The following ATF7 variants were observed in gnomAD, a reference collection of about 807,000 sequenced individuals.
The protein encoded by ATF7 is cyclic AMP-dependent transcription factor ATF-7.
ATF7 carries 10 observed loss-of-function variants against 50.4 expected under a neutral mutation model. The ratio of observed to expected loss-of-function variants is 0.20; its 90% CI spans 0.12 to 0.34. ATF7 has a LOEUF of 0.34. Ranked by LOEUF, ATF7 falls within the 10% of genes least tolerant of loss-of-function variation. The pLI is 1.00. For missense variants in ATF7, 465 were observed against 613.9 expected (o/e 0.76, Z 2.56); for synonymous variants, 201 against 226.4 (o/e 0.89, Z 1.01).
At chr12:53,530,997 T>C (rs1273049268) in intron 9 of ATF7, among the ~76,000 whole-genome samples, 1 of 152,196 alleles carries the variant, frequency 6.6e-6, no homozygotes, top group Non-Finnish European at 1.5e-5. Context: ...AGGTAAGTTA[T>C]TACTTTTATT....
intron 2 of ATF7, among the ~76,000 whole-genome samples, chr12:53,597,081 A>G (rs1943188790): frequency 6.6e-6 from 1 of 152,200 alleles, no homozygotes; most frequent in South Asian, 2.1e-4. Flanking sequence ...ATGAGGCCTC[A>G]AGAGAAACAA....
chr12:53,612,116 C>T lies in ATF7; in HGVS notation c.-21-11095G>A, dbSNP rs146377514. 5.2e-4 allele frequency among the ~76,000 whole-genome samples: 79 copies of T among 150,764 alleles called. No individual in the cohort carries two copies. The East Asian group carries it at 0.013, about 24-fold the overall frequency. On this transcript the variant is annotated intron_variant, in intron 1 of 11. Transcript: ENST00000420353. ...TCAGCCTCCCGAGCACCTGGGGCTA[C>T]GGGCTCGCACCACCACACACAGCTA...
chr12:53,566,870 C>G (rs1025876340), intron 2 of ATF7, among the ~76,000 whole-genome samples: 6 of 152,298 alleles, frequency 3.9e-5, no homozygotes, highest in Admixed American at 3.9e-4. Context: ...TCTCCTGCCT[C>G]AGCCTCCTGA....
intron 2 of ATF7, among the ~76,000 whole-genome samples, chr12:53,583,897 GA>G (rs1158231996): frequency 1.3e-5 from 2 of 152,230 alleles, no homozygotes; most frequent in African/African-American, 4.8e-5. Context: ...ACTTTAGTCA[GA>G]CACTTCACCA....
At chr12:53,562,635 C>CA (rs34627729) in intron 2 of ATF7, among the ~76,000 whole-genome samples, 5,843 of 144,340 alleles carry the variant, frequency 0.04, 299 homozygotes, top group African/African-American at 0.12. Flanking sequence ...AACTTCATCT[C>CA]AAAAAAAAAA....
intron 1 of ATF7, among the ~76,000 whole-genome samples, chr12:53,619,223 G>A (rs1338269362): frequency 6.6e-6 from 1 of 151,958 alleles, no homozygotes; most frequent in Non-Finnish European, 1.5e-5. Flanking sequence ...AGGGCAGGTG[G>A]CTCACACTGT....
chr12:53,584,827 G>A (rs1332656871), intron 2 of ATF7, among the ~76,000 whole-genome samples: 1 of 152,198 alleles, frequency 6.6e-6, no homozygotes, highest in Non-Finnish European at 1.5e-5. Context: ...ACAACATTCT[G>A]TAGACGGCAA....
intron 1 of ATF7, among the ~76,000 whole-genome samples, chr12:53,606,770 G>A (rs1943626954): frequency 7.6e-6 from 1 of 131,780 alleles, no homozygotes; most frequent in Admixed American, 9.4e-5. Context: ...GTGTCCATGT[G>A]TTCTCATTGT....
intron 4 of ATF7, chr12:53,542,760 T>C (rs1939653107): frequency 3.9e-6 from 1 of 258,144 alleles, no homozygotes. Flanking sequence ...ACATAGTTTA[T>C]AGTTCTTTCA....
chr12:53,509,503 C>CTT (rs1337552672), downstream of ATF7, among the ~76,000 whole-genome samples: 32 of 135,058 alleles, frequency 2.4e-4, no homozygotes, highest in Middle Eastern at 3.8e-3. Flanking sequence ...TACACTCCAG[C>CTT]TTTTTTTTTT....
chr12:53,555,186 G>T (rs1940646931), intron 2 of ATF7, among the ~76,000 whole-genome samples: 1 of 151,956 alleles, frequency 6.6e-6, no homozygotes. Context: ...GGGCATGGTG[G>T]CACATGCCTA....
At chr12:53,571,673 C>T (rs1030472746) in intron 2 of ATF7, among the ~76,000 whole-genome samples, 4 of 150,970 alleles carry the variant, frequency 2.6e-5, no homozygotes, top group East Asian at 1.9e-4. Flanking sequence ...GAGACAAATC[C>T]GCACTGAAAT....
intron 2 of ATF7, among the ~76,000 whole-genome samples, chr12:53,557,710 C>T (rs1489941304): frequency 6.6e-6 from 1 of 152,140 alleles, no homozygotes; most frequent in Non-Finnish European, 1.5e-5. Flanking sequence ...ATTTGCACCC[C>T]CATCTGAAGA....
chr12:53,619,904 G>C (rs192276204), intron 1 of ATF7, among the ~76,000 whole-genome samples: 165 of 152,264 alleles, frequency 1.1e-3, no homozygotes, highest in Admixed American at 2.9e-3. Context: ...TCAGCACTTT[G>C]GGAGGCTAAG....
chr12:53,552,450 A>G lies in ATF7; in HGVS notation c.145+91T>C, dbSNP rs571079996. On this transcript the variant is annotated intron_variant, in intron 3 of 11. Coordinates refer to ENST00000420353, the MANE Select transcript of ATF7 (RefSeq NM_006856.3). Reference sequence around the variant, plus strand: ...CACATAAGGGCTCTTAATGGGAGAAAGGGAGTACAGCTCCCAGTACATCTG... The same window carrying G: ...CACATAAGGGCTCTTAATGGGAGAAGGGGAGTACAGCTCCCAGTACATCTG... 2.2e-4 allele frequency: 220 copies of G among 989,216 alleles called. 1 individual carries two copies. The African/African-American group carries it at 2.7e-3, about 12-fold the overall frequency. 61.3% of individuals were successfully genotyped at this position (989,216 alleles called of 1,614,324 possible). A position where few individuals can be genotyped will look rare whatever the true frequency, so the allele number is the denominator to read the frequency against.
chr12:53,574,941 T>C (rs1369230230), intron 2 of ATF7: 4 of 260,464 alleles, frequency 1.5e-5, no homozygotes, highest in Non-Finnish European at 2.2e-5. Flanking sequence ...TTTCTTGCCA[T>C]TGAGCTTAAG....
At chr12:53,523,949 A>AT (rs1938279087) in intron 10 of ATF7, among the ~76,000 whole-genome samples, 1 of 152,220 alleles carries the variant, frequency 6.6e-6, no homozygotes, top group Non-Finnish European at 1.5e-5. Flanking sequence ...AATAAAAAAT[A>AT]TTTAGGAATA....
chr12:53,534,396 A>G lies in ATF7; in HGVS notation c.560+106T>C, dbSNP rs1198885339. On this transcript the variant is annotated intron_variant, in intron 6 of 11. Transcript: ENST00000420353. The stretch of plus-strand genomic sequence containing the variant: ...TTTATTTTGAGAGATAATCTCAGTG[A>G]CTTATTTTCCTTGGGTATTGGAAAA... 4 of 1,494,220 alleles carry G rather than the reference A, an allele frequency of 2.7e-6. No individual in the cohort carries two copies. In the East Asian group the frequency reaches 9.0e-5, roughly 34 times the overall value. The allele number at this position is 1,494,220 out of a possible 1,614,324, so 92.6% of individuals were successfully genotyped here.
intron 4 of ATF7, among the ~76,000 whole-genome samples, chr12:53,540,560 C>A (rs1001261810): frequency 2.6e-5 from 4 of 151,396 alleles, no homozygotes; most frequent in Non-Finnish European, 5.9e-5. Flanking sequence ...CCTATCTCTA[C>A]TAAAAATACA....
Sources: allele counts gnomAD v4.1 joint callset (sites outside exome capture counted in the v4.1 genomes callset), GRCh38; gene constraint gnomAD v4.1.1; transcripts MANE v1.5; gene names NCBI Gene and HGNC (gene_info 2026-07-23, HGNC 2026-07-21).